The following CFAP70 variants were observed in gnomAD, a reference collection of about 807,000 sequenced individuals.
CFAP70 encodes the protein cilia- and flagella-associated protein 70.
CFAP70 carries 81 observed loss-of-function variants against 137.6 expected under a neutral mutation model. The ratio of observed to expected loss-of-function variants is 0.59; its 90% CI spans 0.49 to 0.71. The LOEUF is 0.71. Ranked by LOEUF, CFAP70 falls within the 30% of genes least tolerant of loss-of-function variation. The probability of loss-of-function intolerance (pLI) is 0.00; values close to 1 mark genes in which losing one functional copy is unlikely to be tolerated. For missense variants in CFAP70, 976 were observed against 1,226.7 expected (o/e 0.80, Z 3.05); for synonymous variants, 382 against 423.6 (o/e 0.90, Z 1.20).
chr10:73,352,658 C>G (rs541234385), intron 3 of CFAP70, among the ~76,000 whole-genome samples: 14 of 152,214 alleles, frequency 9.2e-5, no homozygotes, highest in Admixed American at 9.2e-4. Flanking sequence ...ATATAATGTC[C>G]AGGGTTTGTA....
intron 8 of CFAP70, among the ~76,000 whole-genome samples, chr10:73,326,484 A>C (rs1413629633): frequency 6.7e-6 from 1 of 148,182 alleles, no homozygotes; most frequent in Non-Finnish European, 1.5e-5. Context: ...AATAACTAAA[A>C]TCAGAGCAGA....
At position 73,253,976 on chromosome 10, in the gene CFAP70, CAGAAAGATGG is replaced by C; in HGVS notation, c.3145_3154del (p.Pro1049AspfsTer25). On this transcript the variant is annotated frameshift_variant and stop_lost, in exon 27 of 27. Transcript: ENST00000310715. LOFTEE classifies it high-confidence loss of function. ...GAAAATTGTTCAGCTGGAGGGGTAT[CAGAAAGATGG>C]ATTTCCAAAGCCAACTGTTTCCTGT... is the stretch of plus-strand genomic sequence containing the variant. 11 of 1,602,852 alleles carry C rather than the reference CAGAAAGATGG, an allele frequency of 6.9e-6. No individual in the cohort carries two copies. The highest frequency in any genetic ancestry group is 9.4e-6 in the Non-Finnish European group (11 of 1,171,418).
chr10:73,283,957 T>G (rs577751123), intron 19 of CFAP70, among the ~76,000 whole-genome samples: 3 of 152,372 alleles, frequency 2.0e-5, no homozygotes, highest in African/African-American at 7.2e-5. Flanking sequence ...TTTGTATGTT[T>G]AGACCATTTG....
chr10:73,354,584 G>A, intron 2 of CFAP70, 150 bp downstream of exon 2: 1 of 675,628 alleles, frequency 1.5e-6, no homozygotes, highest in African/African-American at 1.8e-5. Flanking sequence ...GTGACTTGGA[G>A]ATTAAGACTA....
At chr10:73,340,853 G>T (rs1187873082) in intron 6 of CFAP70, among the ~76,000 whole-genome samples, 2 of 152,236 alleles carry the variant, frequency 1.3e-5, no homozygotes, top group Admixed American at 6.5e-5. Flanking sequence ...AAGCCTGTGG[G>T]GGCAGGAGGG....
Position 73,291,244 on chromosome 10 carries a change from T to A in CFAP70, c.2221A>T (p.Lys741Ter), listed in dbSNP as rs2048157805. The A allele has an allele frequency of 6.2e-7, 1 of 1,614,040 alleles. No individual in the cohort carries two copies. Among genetic ancestry groups the A allele is most frequent in the African/African-American group, 1.3e-5 (1 of 74,914 alleles). The change falls in exon 19 of 27, where the codon AAG becomes TAG. Residue 741 changes from lysine to a stop codon, truncating the protein, a stop_gained. Coordinates refer to ENST00000310715, the Ensembl canonical transcript of CFAP70. LOFTEE classifies it high-confidence loss of function. ...GCTCTACCTGCTGGGGCTTCCACCT[T>A]GATTGCTGTTGCAGAACCATTTGTG...
intron 25 of CFAP70, among the ~76,000 whole-genome samples, chr10:73,261,201 A>C (rs543039616): frequency 2.0e-5 from 3 of 151,262 alleles, no homozygotes; most frequent in African/African-American, 7.3e-5. Flanking sequence ...ACAGGGGCTC[A>C]CTGCAGCCTC....
At chr10:73,324,902 A>G (rs1589489899) in intron 8 of CFAP70, among the ~76,000 whole-genome samples, 3 of 152,378 alleles carry the variant, frequency 2.0e-5, no homozygotes, top group African/African-American at 7.2e-5. Flanking sequence ...ACCAAGTTGG[A>G]AAACACTCTG....
chr10:73,336,938 T>C (rs1281609452), intron 6 of CFAP70, among the ~76,000 whole-genome samples: 2 of 152,124 alleles, frequency 1.3e-5, no homozygotes, highest in Non-Finnish European at 2.9e-5. Flanking sequence ...AATAAGTATA[T>C]TAAAGTATGT....
chr10:73,277,377 T>C lies in CFAP70; in HGVS notation c.2399-16A>G, dbSNP rs2046837632. ...TTTGATGCTTCTGAAAATATTACATTAAAAGGATTGAAGATTGGATATAAC... is the reference window on the plus strand; with the variant it reads ...TTTGATGCTTCTGAAAATATTACATCAAAAGGATTGAAGATTGGATATAAC... On this transcript the variant is annotated splice_polypyrimidine_tract_variant and intron_variant, in intron 20 of 26. Transcript: ENST00000310715. 4 of 1,611,792 alleles carry C rather than the reference T, an allele frequency of 2.5e-6. No individual in the cohort carries two copies. In the Admixed American group the frequency reaches 6.7e-5, roughly 27 times the overall value.
chr10:73,312,360 T>C (rs111513985), intron 10 of CFAP70, 113 bp downstream of exon 11: 74,590 of 809,722 alleles, frequency 0.092, 5,434 homozygotes, highest in East Asian at 0.29. Context: ...GAACTTAAAG[T>C]AAAATTAAAA....
intron 9 of CFAP70, among the ~76,000 whole-genome samples, chr10:73,313,304 G>A (rs751340133): frequency 7.3e-5 from 11 of 150,894 alleles, no homozygotes; most frequent in Non-Finnish European, 1.0e-4. Flanking sequence ...CCTGGGAGGC[G>A]GAGCTTGCAG....
At chr10:73,354,954 A>G (rs2054551621) in intron 1 of CFAP70, 119 bp from the exon 2 acceptor site, 1 of 634,176 alleles carries the variant, frequency 1.6e-6, no homozygotes, top group Non-Finnish European at 2.7e-6. Context: ...GCACTGTTTT[A>G]TTCCCCATAT....
At chr10:73,335,604 G>A in intron 6 of CFAP70, 80 bp from the exon 8 acceptor site, 3 of 942,630 alleles carry the variant, frequency 3.2e-6, no homozygotes, top group Non-Finnish European at 3.1e-6. Context: ...TTCTTTTAAT[G>A]GATTTGTTCA....
intron 25 of CFAP70, among the ~76,000 whole-genome samples, chr10:73,261,004 G>A (rs978719463): frequency 6.6e-6 from 1 of 152,246 alleles, no homozygotes; most frequent in East Asian, 1.9e-4. Context: ...GTAAATATGT[G>A]TAACTTTTTA....
chr10:73,296,006 A>G (rs2048522807), intron 15 of CFAP70: 1 of 152,226 alleles, frequency 6.6e-6, no homozygotes, highest in African/African-American at 2.4e-5. Context: ...TTTTCTTTTT[A>G]GTATCAACCA....
chr10:73,362,370 G>C (rs530408600), upstream of CFAP70, among the ~76,000 whole-genome samples: 3 of 152,248 alleles, frequency 2.0e-5, no homozygotes, highest in South Asian at 6.2e-4. Context: ...AATCTGTGGA[G>C]CACTTTGGGA....
chr10:73,336,864 C>A (rs2052719389), intron 6 of CFAP70, among the ~76,000 whole-genome samples: 1 of 152,174 alleles, frequency 6.6e-6, no homozygotes, highest in East Asian at 1.9e-4. Flanking sequence ...GCATGAGCCA[C>A]CGCGCCCGGC....
intron 3 of CFAP70, 75 bp downstream of exon 3, chr10:73,353,481 G>C: frequency 3.1e-6 from 4 of 1,302,980 alleles, no homozygotes; most frequent in Non-Finnish European, 2.2e-6. Context: ...GAATGTTTTG[G>C]TTGTGCTTTT....
Sources: gnomAD v4.1 joint callset for allele counts (sites outside exome capture counted in the v4.1 genomes callset) on GRCh38, gnomAD v4.1.1 for gene constraint, MANE v1.5 for transcripts, NCBI Gene and HGNC (gene_info 2026-07-23, HGNC 2026-07-21) for gene names.